Variants in RBFOX1 observed in about 807,000 individuals in gnomAD.
RBFOX1 encodes RNA binding protein fox-1 homolog 1.
Under a neutral mutation model 57.7 loss-of-function variants are expected in RBFOX1, and 8 were observed. That is an observed-to-expected ratio of 0.14 (90% CI 0.08 to 0.25). RBFOX1 has a LOEUF of 0.25. Ranked by LOEUF, RBFOX1 falls within the 10% of genes least tolerant of loss-of-function variation. RBFOX1 has a pLI of 1.00. For synonymous variants in RBFOX1, 326 were observed against 222.4 expected (o/e 1.47, Z -4.15); for missense variants, 611 against 548.5 (o/e 1.11, Z -1.14).
At chr16:6,433,232 C>G (rs761777010) in intron 2 of RBFOX1, among the ~76,000 whole-genome samples, 14 of 152,180 alleles carry the variant, frequency 9.2e-5, no homozygotes, top group Non-Finnish European at 1.8e-4. Context: ...TTTGGCATAG[C>G]AAATGAGAAG....
At chr16:5,398,301 G>C (rs2066619329) in intron 1 of RBFOX1, among the ~76,000 whole-genome samples, 1 of 149,778 alleles carries the variant, frequency 6.7e-6, no homozygotes, top group Non-Finnish European at 1.5e-5. Flanking sequence ...GTGCTTATGT[G>C]TGTGTGCATG....
At chr16:6,062,559 T>A (rs988783120) in intron 1 of RBFOX1, among the ~76,000 whole-genome samples, 1 of 148,768 alleles carries the variant, frequency 6.7e-6, no homozygotes, top group African/African-American at 2.5e-5. Flanking sequence ...TCTATATATG[T>A]ATATATAACA....
intron 1 of RBFOX1, among the ~76,000 whole-genome samples, chr16:6,022,574 C>G (rs146400888): frequency 6.6e-6 from 1 of 152,188 alleles, no homozygotes; most frequent in African/African-American, 2.4e-5. Context: ...CCCAGCTACC[C>G]TGGAGGCTGA....
At chr16:6,693,341 C>T (rs1256055252) in intron 3 of RBFOX1, among the ~76,000 whole-genome samples, 1 of 151,624 alleles carries the variant, frequency 6.6e-6, no homozygotes, top group Non-Finnish European at 1.5e-5. Context: ...TCATCCGTCT[C>T]CACTAGCATC....
At chr16:6,703,095 T>C (rs1320537936) in intron 3 of RBFOX1, among the ~76,000 whole-genome samples, 1 of 152,234 alleles carries the variant, frequency 6.6e-6, no homozygotes, top group Non-Finnish European at 1.5e-5. Flanking sequence ...ATTTCCTTCG[T>C]TTTTAAGGCT....
chr16:6,864,980 T>G lies in RBFOX1; in HGVS notation c.-15-187077T>G, dbSNP rs1223687704. 3.6e-5 allele frequency among the ~76,000 whole-genome samples: 5 copies of G among 140,518 alleles called. No individual in the cohort carries two copies. In the East Asian group the frequency reaches 8.5e-4, roughly 24 times the overall value. The allele number at this position is 140,518 out of a possible 152,430, so 92.2% of individuals were successfully genotyped here. Reference sequence around the variant, plus strand: ...CTCAATCCCAGTGCCAATGTTGGAGTGGGTTTTTCTTTTTCTTTTTTTTTT... The same window carrying G: ...CTCAATCCCAGTGCCAATGTTGGAGGGGGTTTTTCTTTTTCTTTTTTTTTT... On this transcript the variant is annotated intron_variant, in intron 3 of 15. Transcript: ENST00000550418.
rs1281404455 is a variant in RBFOX1 at position 6,019,864 on chromosome 16, G to A, written c.-255G>A. The stretch of plus-strand genomic sequence containing the variant: ...GCCCGCGAAGTTGCGGACAGTGCGT[G>A]AGAAACCAGCACCCCCTTCCGCCGC... On this transcript the variant is annotated 5_prime_UTR_variant, in exon 1 of 16. Transcript: ENST00000550418. The surrounding 1 kb of genome is among the most constrained non-coding windows in gnomAD (Gnocchi z 4.2). 2.0e-6 allele frequency: 3 copies of A among 1,533,966 alleles called. No individual in the cohort carries two copies. Among genetic ancestry groups the A allele is most frequent in the Non-Finnish European group, 2.6e-6 (3 of 1,146,102 alleles).
chr16:6,926,943 G>A (rs2075698412), intron 3 of RBFOX1, among the ~76,000 whole-genome samples: 1 of 152,134 alleles, frequency 6.6e-6, no homozygotes, highest in Non-Finnish European at 1.5e-5. Flanking sequence ...CTGGAATGCA[G>A]TTGCTCCTCC....
intron 2 of RBFOX1, among the ~76,000 whole-genome samples, chr16:6,470,518 G>T (rs1268167511): frequency 6.6e-6 from 1 of 152,286 alleles, no homozygotes; most frequent in East Asian, 1.9e-4. Context: ...CTTCCAAGAT[G>T]ACCTTCAGCT....
intron 3 of RBFOX1, among the ~76,000 whole-genome samples, chr16:6,812,443 G>A (rs551275475): frequency 8.2e-4 from 124 of 152,044 alleles, no homozygotes; most frequent in African/African-American, 2.4e-3. Context: ...GCCCGATCTC[G>A]GCTCATTGCA....
chr16:5,989,925 G>A (rs2060362424), intron 4 of RBFOX1, among the ~76,000 whole-genome samples: 1 of 149,380 alleles, frequency 6.7e-6, no homozygotes, highest in South Asian at 2.1e-4. Flanking sequence ...GTTGGTCTGA[G>A]GCTAAATCCA....
At chr16:6,212,119 A>T (rs867492988) in intron 1 of RBFOX1, among the ~76,000 whole-genome samples, 1 of 152,056 alleles carries the variant, frequency 6.6e-6, no homozygotes, top group South Asian at 2.1e-4. Flanking sequence ...CGGCCTCCCA[A>T]TGTGTTGAGA....
intron 3 of RBFOX1, among the ~76,000 whole-genome samples, chr16:6,867,033 A>ACTT (rs2060062771): frequency 7.1e-6 from 1 of 141,110 alleles, no homozygotes; most frequent in African/African-American, 2.7e-5. Context: ...AAAAAAAAAA[A>ACTT]CTTCCATGTC....
chr16:7,372,654 C>T (rs757460432), intron 4 of RBFOX1, among the ~76,000 whole-genome samples: 1 of 151,896 alleles, frequency 6.6e-6, no homozygotes, highest in Non-Finnish European at 1.5e-5. Context: ...AGCCTGTGTC[C>T]CCAGTATTCT....
intron 4 of RBFOX1, among the ~76,000 whole-genome samples, chr16:5,908,267 T>C (rs111705885): frequency 0.44 from 55,941 of 125,982 alleles, 13,202 homozygotes; most frequent in African/African-American, 0.61. Flanking sequence ...TATATACACA[T>C]ATATATACAT....
intron 4 of RBFOX1, among the ~76,000 whole-genome samples, chr16:7,200,841 C>T (rs1004942923): frequency 5.9e-5 from 9 of 152,202 alleles, no homozygotes; most frequent in Admixed American, 1.3e-4. Context: ...GCTTTCTCCG[C>T]GCTGTTGTAT....
chr16:5,712,705 C>T (rs1038442010), intron 3 of RBFOX1, among the ~76,000 whole-genome samples: 24 of 152,214 alleles, frequency 1.6e-4, no homozygotes, highest in Non-Finnish European at 3.2e-4. Flanking sequence ...CAGATTTTAA[C>T]AGAGTCCAGA....
At chr16:6,933,720 A>G (rs995172022) in intron 3 of RBFOX1, among the ~76,000 whole-genome samples, 1 of 152,234 alleles carries the variant, frequency 6.6e-6, no homozygotes, top group African/African-American at 2.4e-5. Flanking sequence ...GTCTCATTAA[A>G]ACAAAAACAA....
At chr16:5,700,340 T>C (rs1178073190) in intron 3 of RBFOX1, among the ~76,000 whole-genome samples, 2 of 152,204 alleles carry the variant, frequency 1.3e-5, no homozygotes, top group Non-Finnish European at 2.9e-5. Flanking sequence ...TCCTGGTCTT[T>C]CTATATCTAA....
Sources: gnomAD v4.1 joint callset for allele counts (sites outside exome capture counted in the v4.1 genomes callset) on GRCh38, gnomAD v4.1.1 for gene constraint, Gnocchi (gnomAD v3.1) non-coding constraint, MANE v1.5 for transcripts, NCBI Gene and HGNC (gene_info 2026-07-23, HGNC 2026-07-21) for gene names.